The following ADAM29 variants were observed in gnomAD, a reference collection of about 807,000 sequenced individuals.
ADAM29 encodes disintegrin and metalloproteinase domain-containing protein 29.
For synonymous variants in ADAM29, 367 were observed against 342.3 expected (o/e 1.07, Z -0.80); for missense variants, 969 against 1,001.8 (o/e 0.97, Z 0.44).
intron 4 of ADAM29, among the ~76,000 whole-genome samples, chr4:174,957,649 G>A (rs1275538124): frequency 1.3e-5 from 2 of 151,624 alleles, no homozygotes; most frequent in African/African-American, 4.8e-5. Flanking sequence ...GATTCAAGCA[G>A]CCAATTAATA....
At chr4:174,932,856 G>T (rs1438426123) in intron 3 of ADAM29, among the ~76,000 whole-genome samples, 1 of 152,122 alleles carries the variant, frequency 6.6e-6, no homozygotes, top group Admixed American at 6.6e-5. Flanking sequence ...GAAAAGAAAG[G>T]ATGTCAGGAA....
At chr4:174,939,605 T>C (rs1744412229) in intron 4 of ADAM29, among the ~76,000 whole-genome samples, 1 of 152,182 alleles carries the variant, frequency 6.6e-6, no homozygotes, top group Admixed American at 6.5e-5. Context: ...TCATTAGAAT[T>C]GAGAGATGTA....
intron 1 of ADAM29, among the ~76,000 whole-genome samples, chr4:174,920,183 T>C (rs1743089837): frequency 3.3e-5 from 5 of 152,138 alleles, no homozygotes. Flanking sequence ...ATTTTTCTAC[T>C]AACCCAATGT....
rs1746840221 is a variant in ADAM29, at chr4:174,976,777, C to T, written c.1252C>T (p.His418Tyr). The T allele has an allele frequency of 6.2e-7, 1 of 1,614,094 alleles. No individual in the cohort carries two copies. The highest frequency in any genetic ancestry group is 8.5e-7 in the Non-Finnish European group (1 of 1,180,000). The change falls in exon 5 of 5, where the codon CAT becomes TAT. Residue 418 changes from histidine to tyrosine, a missense_variant. By Grantham distance (83) the His-to-Tyr change is moderately conservative. Coordinates refer to ENST00000359240, the MANE Select transcript of ADAM29 (RefSeq NM_014269.4). ...GEECDCGPLK[H>Y]CAKDPCCLSN... ...AGAGTGTGACTGTGGACCTTTAAAGCATTGTGCAAAAGATCCCTGCTGTCT... is the reference window on the plus strand; with the variant it reads ...AGAGTGTGACTGTGGACCTTTAAAGTATTGTGCAAAAGATCCCTGCTGTCT...
intron 3 of ADAM29, among the ~76,000 whole-genome samples, chr4:174,935,177 A>G (rs1271659458): frequency 6.6e-6 from 1 of 152,156 alleles, no homozygotes; most frequent in African/African-American, 2.4e-5. Context: ...ACTTCCTTAG[A>G]TAAGATCTCT....
intron 4 of ADAM29, among the ~76,000 whole-genome samples, chr4:174,937,554 C>A (rs903562141): frequency 9.9e-5 from 15 of 151,934 alleles, no homozygotes; most frequent in Non-Finnish European, 4.4e-5. Flanking sequence ...ATTTCTCAAC[C>A]AGAATTTCTA....
At chr4:174,931,424 C>T (rs1579013960) in intron 3 of ADAM29, 1 of 152,194 alleles carries the variant, frequency 6.6e-6, no homozygotes, top group East Asian at 1.9e-4. Context: ...TTCTCAGATT[C>T]ATTGAATTTC....
At chr4:174,960,054 A>G (rs1745720628) in intron 4 of ADAM29, among the ~76,000 whole-genome samples, 1 of 152,026 alleles carries the variant, frequency 6.6e-6, no homozygotes, top group African/African-American at 2.4e-5. Flanking sequence ...TTTAAAAATA[A>G]ACTTATCATT....
At chr4:174,932,404 C>G (rs986829491) in intron 3 of ADAM29, among the ~76,000 whole-genome samples, 1 of 152,122 alleles carries the variant, frequency 6.6e-6, no homozygotes, top group Non-Finnish European at 1.5e-5. Context: ...ATATTAGGAT[C>G]TAGTGGTAAG....
At chr4:174,922,340 A>G (rs1743210384) in intron 2 of ADAM29, among the ~76,000 whole-genome samples, 1 of 152,254 alleles carries the variant, frequency 6.6e-6, no homozygotes, top group African/African-American at 2.4e-5. Context: ...TATTGGACCC[A>G]TTAGAGAACT....
At chr4:174,971,962 C>T (rs189272173) in intron 4 of ADAM29, among the ~76,000 whole-genome samples, 11 of 152,276 alleles carry the variant, frequency 7.2e-5, no homozygotes, top group South Asian at 6.2e-4. Flanking sequence ...TCTTCTGCTT[C>T]GCCTAGTCCA....
Position 174,925,545 on chromosome 4 carries a change from G to C in ADAM29, c.-451+4753G>C, listed in dbSNP as rs1395123731. ...GAAGAAAGGAAATATCTTACAATGT[G>C]ATAGAGGAAGTCACTTTAAACTATG... On this transcript the variant is annotated intron_variant, in intron 2 of 4. Transcript: ENST00000359240. Among the ~76,000 whole-genome samples, 11 of 152,168 alleles carry C rather than the reference G, an allele frequency of 7.2e-5. No homozygotes were observed. The East Asian group carries it at 2.1e-3, about 29-fold the overall frequency.
chr4:174,948,491 C>T (rs923543881), intron 4 of ADAM29, among the ~76,000 whole-genome samples: 4 of 152,070 alleles, frequency 2.6e-5, no homozygotes, highest in African/African-American at 9.7e-5. Context: ...GTACTGAGCC[C>T]CCCAGCTTGT....
intron 2 of ADAM29, among the ~76,000 whole-genome samples, chr4:174,930,268 T>C (rs991095191): frequency 6.6e-6 from 1 of 152,162 alleles, no homozygotes; most frequent in African/African-American, 2.4e-5. Flanking sequence ...CTATCCCCAC[T>C]CATGATGTAA....
intron 4 of ADAM29, among the ~76,000 whole-genome samples, chr4:174,952,897 T>A (rs921914959): frequency 2.0e-5 from 3 of 152,160 alleles, no homozygotes; most frequent in Non-Finnish European, 2.9e-5. Context: ...AAACATATGA[T>A]TCAAAAACTT....
rs540008489 is a variant in ADAM29 at position 174,975,604 on chromosome 4, T to A, written c.79T>A (p.Tyr27Asn). 1 of 1,604,984 alleles carries A rather than the reference T, an allele frequency of 6.2e-7. No homozygotes were observed. The highest frequency in any genetic ancestry group is 1.7e-5 in the Admixed American group (1 of 59,016). ...ACACATCCAGGATGAGCACCCCCAA[T>A]ATCACAGCCCTCCGGATGTGGTGAT... is the stretch of plus-strand genomic sequence containing the variant. ...SGHIQDEHPQ[Y>N]HSPPDVVIPV... Residue 27 changes from tyrosine (Y) to asparagine (N), a missense_variant, in exon 5 of 5, where the codon TAT becomes AAT. Tyr to Asn is a moderately radical substitution (Grantham distance 143). Coordinates refer to ENST00000359240, the MANE Select transcript of ADAM29 (RefSeq NM_014269.4).
In ADAM29 at chr4:174,931,161, G is replaced by C. The variant is rs1488121878; in HGVS notation, c.-275G>C. The C allele has an allele frequency of 6.6e-6, 1 of 152,222 alleles. No individual in the cohort carries two copies. Among genetic ancestry groups the C allele is most frequent in the Non-Finnish European group, 1.5e-5 (1 of 68,070 alleles). 9.4% of individuals were successfully genotyped at this position (152,222 alleles called of 1,614,324 possible). On this transcript the variant is annotated 5_prime_UTR_variant, in exon 3 of 5. Coordinates refer to ENST00000359240, the MANE Select transcript of ADAM29 (RefSeq NM_014269.4). ...TGCGTGGAATCAGACCTCTTTTGCAGTGGAAAGGAGCAGGTAAAACAAATA... is the reference window on the plus strand; with the variant it reads ...TGCGTGGAATCAGACCTCTTTTGCACTGGAAAGGAGCAGGTAAAACAAATA...
chr4:174,925,165 T>G (rs1310295507), intron 2 of ADAM29, among the ~76,000 whole-genome samples: 1 of 152,180 alleles, frequency 6.6e-6, no homozygotes, highest in East Asian at 1.9e-4. Flanking sequence ...CATGACTAAT[T>G]GTGATGTGGT....
chr4:174,946,763 A>G (rs1744871758), intron 4 of ADAM29, among the ~76,000 whole-genome samples: 1 of 152,082 alleles, frequency 6.6e-6, no homozygotes, highest in Non-Finnish European at 1.5e-5. Context: ...GGCCTCATAG[A>G]ATGAGTTAGG....
Sources: gnomAD v4.1 joint callset for allele counts (sites outside exome capture counted in the v4.1 genomes callset) on GRCh38, gnomAD v4.1.1 for gene constraint, MANE v1.5 for transcripts, NCBI Gene and HGNC (gene_info 2026-07-23, HGNC 2026-07-21) for gene names.